KCNH7: variants seen among roughly 807,000 people sequenced by gnomAD.
The protein encoded by KCNH7 is voltage-gated inwardly rectifying potassium channel KCNH7.
KCNH7 carries 49 observed loss-of-function variants against 120.8 expected under a neutral mutation model. That is an observed-to-expected ratio of 0.41 (90% CI 0.32 to 0.51). The LOEUF is 0.51. Among genes scored for constraint, KCNH7 ranks in the 20% least tolerant of loss-of-function variants. The pLI, the probability that KCNH7 is intolerant of heterozygous loss-of-function variation, is 0.38. For missense variants in KCNH7, 1,097 were observed against 1,446.6 expected, an observed-to-expected ratio of 0.76 and a Z score of 3.92; for synonymous variants, 547 against 516.1, an observed-to-expected ratio of 1.06 and a Z score of -0.81.
intron 2 of KCNH7, among the ~76,000 whole-genome samples, chr2:162,663,112 G>A (rs1685022797): frequency 6.6e-6 from 1 of 152,166 alleles, no homozygotes; most frequent in Admixed American, 6.5e-5. Context: ...AAACCTAGTT[G>A]TTATTAAGGT....
intron 2 of KCNH7, among the ~76,000 whole-genome samples, chr2:162,711,910 T>C (rs1040386672): frequency 6.6e-6 from 1 of 152,128 alleles, no homozygotes; most frequent in South Asian, 2.1e-4. Flanking sequence ...GGGCAATAGA[T>C]ATGAAAGGAT....
chr2:162,463,564 A>G (rs1002641306), intron 6 of KCNH7, among the ~76,000 whole-genome samples: 3 of 151,956 alleles, frequency 2.0e-5, no homozygotes, highest in African/African-American at 7.2e-5. Context: ...CCCATATAGT[A>G]AAAAGTCAAT....
chr2:162,630,343 A>G (rs1198488261), intron 2 of KCNH7, among the ~76,000 whole-genome samples: 1 of 152,086 alleles, frequency 6.6e-6, no homozygotes, highest in Non-Finnish European at 1.5e-5. Flanking sequence ...ACATGAAAAT[A>G]TGAAGCTAGA....
At position 162,536,990 on chromosome 2, in the gene KCNH7, G is replaced by A. The variant is rs201399722; in HGVS notation, c.398C>T (p.Thr133Met). 7.5e-5 allele frequency: 121 copies of A among 1,612,520 alleles called. No homozygotes were observed. Among genetic ancestry groups the A allele is most frequent in the East Asian group, 3.3e-4 (15 of 44,804 alleles). ...MMFIINFEYV[T>M]DNENAATPER... ...TGGGGTGGCAGCGTTTTCATTATCC[G>A]TCACATATTCAAAATTAATGATGAA... The change falls in exon 3 of 16, where the codon ACG becomes ATG. Residue 133 changes from threonine (T) to methionine (M), a missense_variant. Physicochemically the swap from Thr to Met is moderately conservative, Grantham distance 81. This residue lies in a region of KCNH7 where 362 missense variants were observed against 372.2 expected (regional missense o/e 0.97). Transcript: ENST00000332142.
chr2:162,595,184 C>T lies in KCNH7; in HGVS notation c.308-58104G>A, dbSNP rs1441955540. Among the ~76,000 whole-genome samples, 5 of 151,932 alleles carry T rather than the reference C, an allele frequency of 3.3e-5. No individual in the cohort carries two copies. The East Asian group carries it at 7.8e-4, about 24-fold the overall frequency. ...GGAAACTTACAATCATGGCAGAAGG[C>T]AAAGGAGAAGCAAGCACCTTTTTCA... is the stretch of plus-strand genomic sequence containing the variant. On this transcript the variant is annotated intron_variant, in intron 2 of 15. Coordinates refer to ENST00000332142, the MANE Select transcript of KCNH7 (RefSeq NM_033272.4).
At chr2:162,561,832 C>A (rs994219368) in intron 2 of KCNH7, among the ~76,000 whole-genome samples, 7 of 152,106 alleles carry the variant, frequency 4.6e-5, no homozygotes, top group African/African-American at 1.4e-4. Context: ...CAGTGATAGA[C>A]CGAATAAAGA....
intron 6 of KCNH7, among the ~76,000 whole-genome samples, chr2:162,479,044 G>C (rs1259126933): frequency 6.6e-6 from 1 of 151,862 alleles, no homozygotes; most frequent in Non-Finnish European, 1.5e-5. Context: ...CGAGGGAGGG[G>C]AGAGAGGTAC....
chr2:162,419,364 G>C (rs1687634215), intron 9 of KCNH7, among the ~76,000 whole-genome samples: 1 of 150,814 alleles, frequency 6.6e-6, no homozygotes, highest in African/African-American at 2.4e-5. Flanking sequence ...TTGGGGGATA[G>C]GCAGCAAATA....
chr2:162,807,082 G>C (rs1684565578), intron 2 of KCNH7, among the ~76,000 whole-genome samples: 1 of 151,190 alleles, frequency 6.6e-6, no homozygotes, highest in African/African-American at 2.4e-5. Context: ...TGCAATCGAT[G>C]ACCACTAGAT....
chr2:162,776,591 T>C (rs919014572), intron 2 of KCNH7, among the ~76,000 whole-genome samples: 2 of 152,012 alleles, frequency 1.3e-5, no homozygotes, highest in East Asian at 3.9e-4. Context: ...AGGAGATGCA[T>C]TGGGAGAGGG....
chr2:162,653,648 T>C (rs1260100496), intron 2 of KCNH7, among the ~76,000 whole-genome samples: 1 of 152,004 alleles, frequency 6.6e-6, no homozygotes, highest in Admixed American at 6.6e-5. Context: ...GGAAAAAAAA[T>C]CCTACAATTT....
At chr2:162,760,017 T>C (rs1313500446) in intron 2 of KCNH7, among the ~76,000 whole-genome samples, 1 of 152,084 alleles carries the variant, frequency 6.6e-6, no homozygotes, top group African/African-American at 2.4e-5. Flanking sequence ...GTCACTTAAG[T>C]GGAAAAGCTT....
intron 2 of KCNH7, among the ~76,000 whole-genome samples, chr2:162,632,593 C>T (rs79370763): frequency 0.022 from 3,393 of 151,692 alleles, 118 homozygotes; most frequent in East Asian, 0.18. Context: ...AAAAAGAGAT[C>T]AAAATATTAA....
At chr2:162,524,975 G>T (rs1400927894) in intron 3 of KCNH7, among the ~76,000 whole-genome samples, 2 of 151,898 alleles carry the variant, frequency 1.3e-5, no homozygotes, top group East Asian at 3.9e-4. Context: ...TTAGCCAAGT[G>T]GCTACCCTGA....
chr2:162,562,685 G>A (rs1693115941), intron 2 of KCNH7, among the ~76,000 whole-genome samples: 1 of 152,164 alleles, frequency 6.6e-6, no homozygotes, highest in African/African-American at 2.4e-5. Flanking sequence ...TAGGAGAAGG[G>A]TGGCTTCCAC....
At chr2:162,826,514 T>G (rs1342488757) in intron 2 of KCNH7, among the ~76,000 whole-genome samples, 1 of 152,146 alleles carries the variant, frequency 6.6e-6, no homozygotes. Flanking sequence ...TAGAATACAT[T>G]GCTTTATAAT....
At chr2:162,646,565 T>C (rs1684365541) in intron 2 of KCNH7, among the ~76,000 whole-genome samples, 1 of 152,190 alleles carries the variant, frequency 6.6e-6, no homozygotes, top group East Asian at 1.9e-4. Context: ...GCTTATTCTA[T>C]GACATGAGCA....
intron 9 of KCNH7, among the ~76,000 whole-genome samples, chr2:162,409,334 T>C (rs946393484): frequency 6.6e-5 from 10 of 151,860 alleles, no homozygotes; most frequent in Admixed American, 5.3e-4. Flanking sequence ...ATAACACACA[T>C]GAATTCTTGA....
chr2:162,807,256 C>CAAAAAAAAAA (rs745345993), intron 2 of KCNH7, among the ~76,000 whole-genome samples: 166 of 15,548 alleles, frequency 0.011, 2 homozygotes, highest in Non-Finnish European at 0.019. Flanking sequence ...ACTAAAAATA[C>CAAAAAAAAAA]AAAAAAAAAA....
Sources: gnomAD v4.1 joint callset for allele counts (sites outside exome capture counted in the v4.1 genomes callset) on GRCh38, gnomAD v4.1.1 for gene constraint, gnomAD v4.1.1 regional missense constraint, MANE v1.5 for transcripts, NCBI Gene and HGNC (gene_info 2026-07-23, HGNC 2026-07-21) for gene names.